XKR9: variants seen among roughly 807,000 people sequenced by gnomAD.
The protein encoded by XKR9 is XK-related protein 9.
A neutral mutation model predicts 32.0 loss-of-function variants in XKR9; 32 were observed. That is an observed-to-expected ratio of 1.00 (90% CI 0.76 to 1.34). XKR9 has a LOEUF of 1.34. Among genes scored for constraint, XKR9 ranks in the 40% most tolerant of loss-of-function variants. XKR9 has a pLI of 0.00. For missense variants in XKR9, 546 were observed against 429.7 expected, an observed-to-expected ratio of 1.27 and a Z score of -2.39; for synonymous variants, 168 against 143.4, an observed-to-expected ratio of 1.17 and a Z score of -1.22.
chr8:70,945,165 A>G, the XKR9 span, among the ~76,000 whole-genome samples: 1 of 152,344 alleles, frequency 6.6e-6, no homozygotes, highest in South Asian at 2.1e-4. Flanking sequence ...GAATCTCTCT[A>G]ACTAAACTAA....
At chr8:70,698,389 T>C (rs1439417354) in intron 3 of XKR9, among the ~76,000 whole-genome samples, 1 of 152,218 alleles carries the variant, frequency 6.6e-6, no homozygotes, top group Non-Finnish European at 1.5e-5. Context: ...GTTTTGTCTT[T>C]GTTCTCATTG....
the XKR9 span, among the ~76,000 whole-genome samples, chr8:71,041,707 A>G: frequency 1.3e-5 from 2 of 152,080 alleles, no homozygotes; most frequent in Non-Finnish European, 2.9e-5. Context: ...TGATGGTTTA[A>G]AAGTGTCAGT....
At chr8:70,737,409 T>C (rs1806884158), downstream of XKR9, among the ~76,000 whole-genome samples, 2 of 149,084 alleles carry the variant, frequency 1.3e-5, no homozygotes, top group South Asian at 4.2e-4. Context: ...TCATGTCATC[T>C]GCAAACAGGG....
the XKR9 span, among the ~76,000 whole-genome samples, chr8:70,893,254 G>A: frequency 2.0e-5 from 3 of 152,084 alleles, no homozygotes; most frequent in South Asian, 6.2e-4. Flanking sequence ...TTCTGATTTT[G>A]TTGAATTGTT....
chr8:70,929,497 T>C, the XKR9 span, among the ~76,000 whole-genome samples: 1 of 152,182 alleles, frequency 6.6e-6, no homozygotes, highest in Non-Finnish European at 1.5e-5. Context: ...CTTAGAGCCT[T>C]ACAAGACAGA....
At chr8:70,721,417 TCA>T (rs1159703605) in intron 4 of XKR9, among the ~76,000 whole-genome samples, 3 of 152,104 alleles carry the variant, frequency 2.0e-5, no homozygotes. Flanking sequence ...TAGATTTTTC[TCA>T]GTTTCTGATG....
At chr8:71,025,225 CG>C in the XKR9 span, among the ~76,000 whole-genome samples, 2 of 152,080 alleles carry the variant, frequency 1.3e-5, no homozygotes, top group South Asian at 4.2e-4. Flanking sequence ...TTCCTGGAGA[CG>C]AAATGAGTTA....
At chr8:70,764,028 C>A (rs1807342085) in intron 2 of XKR9, among the ~76,000 whole-genome samples, 1 of 152,176 alleles carries the variant, frequency 6.6e-6, no homozygotes, top group Admixed American at 6.5e-5. Flanking sequence ...AAGTTTTTAG[C>A]CACATACTGC....
the XKR9 span, among the ~76,000 whole-genome samples, chr8:70,799,859 C>A: frequency 6.6e-6 from 1 of 152,054 alleles, no homozygotes; most frequent in Non-Finnish European, 1.5e-5. Context: ...TTATTTCTTT[C>A]TGTTTCCTGA....
chr8:70,988,080 A>G, the XKR9 span, among the ~76,000 whole-genome samples: 1 of 152,190 alleles, frequency 6.6e-6, no homozygotes, highest in African/African-American at 2.4e-5. Flanking sequence ...GGCCTGGTCA[A>G]TGAAACAACT....
chr8:70,763,831 A>G (rs1025999992), intron 2 of XKR9, among the ~76,000 whole-genome samples: 4 of 152,210 alleles, frequency 2.6e-5, no homozygotes, highest in African/African-American at 9.6e-5. Flanking sequence ...CCTTGGGTAT[A>G]AAATTACTGA....
chr8:71,032,293 A>T, the XKR9 span, among the ~76,000 whole-genome samples: 2 of 150,596 alleles, frequency 1.3e-5, no homozygotes, highest in Non-Finnish European at 3.0e-5. Context: ...AAAAAAAAAA[A>T]AAAAAAAAAA....
chr8:70,808,680 C>T, the XKR9 span, among the ~76,000 whole-genome samples: 3 of 152,232 alleles, frequency 2.0e-5, no homozygotes, highest in Admixed American at 2.0e-4. Context: ...GTCCTACACC[C>T]ACGGAGCCTT....
chr8:70,997,297 C>T, the XKR9 span, among the ~76,000 whole-genome samples: 1 of 149,942 alleles, frequency 6.7e-6, no homozygotes, highest in African/African-American at 2.5e-5. Context: ...GACTCCATCT[C>T]AAAAAAACAA....
At chr8:70,968,882 T>A in the XKR9 span, among the ~76,000 whole-genome samples, 1 of 152,314 alleles carries the variant, frequency 6.6e-6, no homozygotes, top group South Asian at 2.1e-4. Flanking sequence ...AGGAGGTGTC[T>A]TGAGACCCCT....
the XKR9 span, among the ~76,000 whole-genome samples, chr8:70,904,821 G>A: frequency 6.6e-6 from 1 of 152,116 alleles, no homozygotes; most frequent in South Asian, 2.1e-4. Context: ...GCCTGGTGGT[G>A]ACAAAATCTC....
At chr8:70,839,992 G>C in the XKR9 span, among the ~76,000 whole-genome samples, 5 of 152,106 alleles carry the variant, frequency 3.3e-5, no homozygotes, top group African/African-American at 1.2e-4. Context: ...ATTTCCATCT[G>C]ACAATTCTCC....
chr8:70,792,196 C>G (rs1305504212), downstream of XKR9, among the ~76,000 whole-genome samples: 1 of 152,118 alleles, frequency 6.6e-6, no homozygotes, highest in Non-Finnish European at 1.5e-5. Context: ...TCAATTAACA[C>G]TAATAGACTC....
chr8:71,021,534 G>A, the XKR9 span, among the ~76,000 whole-genome samples: 2 of 117,568 alleles, frequency 1.7e-5, no homozygotes, highest in South Asian at 2.5e-4. Context: ...ACGGAGTTTC[G>A]CTCTGTCGCC....
Sources: allele counts gnomAD v4.1 joint callset (sites outside exome capture counted in the v4.1 genomes callset), GRCh38; gene constraint gnomAD v4.1.1; transcripts MANE v1.5; gene names NCBI Gene and HGNC (gene_info 2026-07-23, HGNC 2026-07-21).